Variants in PPFIA3 observed in about 807,000 individuals in gnomAD.
The protein encoded by PPFIA3 is PPFI scaffold protein A3.
A neutral mutation model predicts 145.8 loss-of-function variants in PPFIA3; 26 were observed. That is an observed-to-expected ratio of 0.18 (90% confidence interval 0.13 to 0.25). The LOEUF is 0.25. PPFIA3 is among the 10% of genes least tolerant of loss of function. The pLI is 1.00. For missense variants in PPFIA3, 1,008 were observed against 1,587.8 expected (o/e 0.63, Z 6.21); for synonymous variants, 645 against 661.4 (o/e 0.98, Z 0.38).
Position 49,147,949 on chromosome 19 carries a change from G to A in PPFIA3, c.2836-134G>A, listed in dbSNP as rs1014899650. 5.7e-6 allele frequency: 5 copies of A among 880,290 alleles called. No individual in the cohort carries two copies. In the African/African-American group the frequency reaches 8.4e-5, roughly 15 times the overall value. 54.5% of individuals were successfully genotyped at this position (880,290 alleles called of 1,614,324 possible). A position where few individuals can be genotyped will look rare whatever the true frequency, so the allele number is the denominator to read the frequency against. On this transcript the variant is annotated intron_variant, in intron 23 of 29. Coordinates refer to ENST00000334186, the MANE Select transcript of PPFIA3 (RefSeq NM_003660.4). ...CAACTCTGGATTGGTCCATTATCCT[G>A]AGCAGAGATTGGTCATTGTCCTACC... is the stretch of plus-strand genomic sequence containing the variant.
At chr19:49,148,501 C>T in intron 24 of PPFIA3, 165 bp from the exon 25 acceptor site, 1 of 718,218 alleles carries the variant, frequency 1.4e-6, no homozygotes, top group Non-Finnish European at 2.3e-6. Flanking sequence ...TAGGAAGTGC[C>T]TATTATTGAA....
At chr19:49,135,344 C>T (rs978402142) in intron 13 of PPFIA3, among the ~76,000 whole-genome samples, 63 of 150,980 alleles carry the variant, frequency 4.2e-4, no homozygotes, top group African/African-American at 1.2e-3. Flanking sequence ...GCTCAGCCCA[C>T]TCTGGTTTTT....
intron 1 of PPFIA3, among the ~76,000 whole-genome samples, chr19:49,121,669 A>G (rs2040937655): frequency 6.6e-6 from 1 of 151,724 alleles, no homozygotes; most frequent in African/African-American, 2.4e-5. Context: ...CCAGCTACTC[A>G]GGAGGCTGAG....
At chr19:49,134,385 C>G (rs942270348) in intron 11 of PPFIA3, among the ~76,000 whole-genome samples, 1 of 152,198 alleles carries the variant, frequency 6.6e-6, no homozygotes, top group African/African-American at 2.4e-5. Context: ...GCCTCGAGTC[C>G]TTGACTTTTC....
chr19:49,134,675 C>T lies in PPFIA3; in HGVS notation c.1414C>T (p.Leu472Phe), dbSNP rs767819720. 6.2e-7 allele frequency: 1 copy of T among 1,614,010 alleles called. No individual in the cohort carries two copies. Among genetic ancestry groups the T allele is most frequent in the Non-Finnish European group, 8.5e-7 (1 of 1,180,002 alleles). The change falls in exon 12 of 30, where the codon CTT becomes TTT. Residue 472 changes from leucine to phenylalanine, a missense_variant. By Grantham distance (22) the Leu-to-Phe change is conservative (BLOSUM62 0). Coordinates refer to ENST00000334186, the MANE Select transcript of PPFIA3 (RefSeq NM_003660.4). ...CGAGGAGATAGCCAACATGAAGAAG[C>T]TTCAGGATGAGTTGCTGCTAAACAA... ...LSEEIANMKK[L>F]QDELLLNKEQ... is the part of the protein sequence containing the mutation.
chr19:49,130,401 T>C lies in PPFIA3; in HGVS notation c.681T>C (p.Pro227=), dbSNP rs777946077. ...DGQTLANGLG[P]GGDSNRRTAE... is the part of the protein sequence containing the mutation. The stretch of plus-strand genomic sequence containing the variant: ...AGACTCTTGCCAATGGCCTGGGTCC[T>C]GGCGGGGATTCCAACCGGCGCACAG... The change falls in exon 7 of 30, where the codon CCT becomes CCC. Residue 227 remains proline, a synonymous_variant. Transcript: ENST00000334186. This position sits in a 1 kb window ranked among gnomAD's most constrained non-coding sequence, Gnocchi z 4.5. 1 of 1,609,102 alleles carries C rather than the reference T, an allele frequency of 6.2e-7. No homozygotes were observed. Among genetic ancestry groups the C allele is most frequent in the Admixed American group, 1.7e-5 (1 of 59,440 alleles).
At chr19:49,142,505 C>T (rs1180867313) in intron 20 of PPFIA3, among the ~76,000 whole-genome samples, 1 of 151,668 alleles carries the variant, frequency 6.6e-6, no homozygotes, top group African/African-American at 2.4e-5. Flanking sequence ...CCTGTCTCTC[C>T]CCACCCTCTA....
At position 49,141,912 on chromosome 19, in the gene PPFIA3, A is replaced by C. The variant is rs1600346356; in HGVS notation, c.2463-122A>C. On this transcript the variant is annotated intron_variant, in intron 19 of 29. Transcript: ENST00000334186. ...ACCTTCTGCCGTGTTTTGTACATTC[A>C]TAAAAGCTGCGTGTGCGTATGTGCA... 8 of 592,088 alleles carry C rather than the reference A, an allele frequency of 1.4e-5. No homozygotes were observed. In the East Asian group the frequency reaches 2.7e-4, roughly 20 times the overall value. The allele number at this position is 592,088 out of a possible 1,614,324, so 36.7% of individuals were successfully genotyped here.
At chr19:49,123,185 C>G (rs1029727067) in intron 1 of PPFIA3, among the ~76,000 whole-genome samples, 1 of 151,946 alleles carries the variant, frequency 6.6e-6, no homozygotes, top group Non-Finnish European at 1.5e-5. Flanking sequence ...CATGCCACCA[C>G]GCCTGGCTAA....
intron 14 of PPFIA3, 99 bp from the exon 15 acceptor site, chr19:49,136,625 G>A (rs2041140486): frequency 4.3e-6 from 3 of 694,130 alleles, no homozygotes; most frequent in South Asian, 5.9e-5. Context: ...GCTGGGAAAA[G>A]CATCAGTGAG....
intron 18 of PPFIA3, among the ~76,000 whole-genome samples, chr19:49,140,640 T>G (rs986412210): frequency 1.4e-3 from 32 of 23,072 alleles, no homozygotes; most frequent in African/African-American, 0.011. Context: ...CTCATTTACC[T>G]TTTTTTTTTT....
intron 1 of PPFIA3, among the ~76,000 whole-genome samples, chr19:49,119,959 T>TG (rs1421184749): frequency 6.6e-6 from 1 of 151,504 alleles, no homozygotes; most frequent in Non-Finnish European, 1.5e-5. Context: ...CCCAGGAGCT[T>TG]GGATTTCCCG....
In PPFIA3 at chr19:49,135,844, ACCTGGAT is replaced by A. The variant is rs1299595113; in HGVS notation, c.1589_1595del (p.Leu530ProfsTer88). The A allele has an allele frequency of 6.2e-7, 1 of 1,613,886 alleles. No homozygotes were observed. The highest frequency in any genetic ancestry group is 8.5e-7 in the Non-Finnish European group (1 of 1,179,938). Reference sequence around the variant, plus strand: ...GCACCCACTTTACCTTCTGGTGCCCACCTGGATCCCTATGTGGCTGGCAGTGGTCGGG... The same window carrying A: ...GCACCCACTTTACCTTCTGGTGCCCACCCTATGTGGCTGGCAGTGGTCGGG... On this transcript the variant is annotated frameshift_variant, in exon 14 of 30. Transcript: ENST00000334186. LOFTEE classifies it high-confidence loss of function.
rs145803420 is a variant in PPFIA3 at position 49,149,650 on chromosome 19, A to G, written c.3458A>G (p.Asn1153Ser). The change falls in exon 28 of 30, where the codon AAC becomes AGC. Residue 1153 changes from asparagine to serine, a missense_variant. Asn to Ser is a conservative substitution (Grantham distance 46). Around this residue, in one of 11 missense-constraint regions of PPFIA3, gnomAD observed 125 missense variants for 159.3 expected, o/e 0.78. Transcript: ENST00000334186. This position sits in a 1 kb window ranked among gnomAD's most constrained non-coding sequence, Gnocchi z 5.7. Reference protein sequence around the residue: ...TPDSAEMLPPNFRSAAAGALG... With the variant: ...TPDSAEMLPPSFRSAAAGALG... ...GACTCAGCTGAGATGTTGCCCCCCA[A>G]CTTTCGTTCGGCTGCAGCGGGAGCC... The G allele has an allele frequency of 5.6e-6, 9 of 1,614,104 alleles. No homozygotes were observed. Among genetic ancestry groups the G allele is most frequent in the African/African-American group, 2.7e-5 (2 of 75,042 alleles).
intron 23 of PPFIA3, among the ~76,000 whole-genome samples, chr19:49,147,741 A>T (rs1172778909): frequency 1.2e-5 from 1 of 83,298 alleles, no homozygotes; most frequent in Non-Finnish European, 2.4e-5. Context: ...TTAAAAATAA[A>T]TATAATGTAT....
In PPFIA3 at chr19:49,133,293, G is replaced by A. The variant is rs2041097293; in HGVS notation, c.1083G>A (p.Leu361=). 5.0e-6 allele frequency: 8 copies of A among 1,610,774 alleles called. No homozygotes were observed. Among genetic ancestry groups the A allele is most frequent in the South Asian group, 1.1e-5 (1 of 90,952 alleles). The change falls in exon 9 of 30, where the codon CTG becomes CTA. Residue 361 remains leucine (L), a synonymous_variant. Transcript: ENST00000334186. The surrounding 1 kb of genome is among the most constrained non-coding windows in gnomAD (Gnocchi z 7.2). ...GGTTGGACGACGCCAAGCAGAAGCTGCAGCAGACGCTGCAGAAAGCGGAGA... is the reference window on the plus strand; with the variant it reads ...GGTTGGACGACGCCAAGCAGAAGCTACAGCAGACGCTGCAGAAAGCGGAGA... ...AEWLDDAKQK[L]QQTLQKAETL... is the part of the protein sequence containing the mutation.
At chr19:49,148,916 T>C in intron 25 of PPFIA3, 77 bp from the exon 26 acceptor site, 2 of 1,586,478 alleles carry the variant, frequency 1.3e-6, no homozygotes, top group Middle Eastern at 1.7e-4. Context: ...AGAGACCAAA[T>C]GGAGGTGGAG....
At chr19:49,144,030 GA>G (rs959292351) in intron 21 of PPFIA3, among the ~76,000 whole-genome samples, 2 of 145,058 alleles carry the variant, frequency 1.4e-5, no homozygotes, top group African/African-American at 5.2e-5. Context: ...TTCGAGATGG[GA>G]GTCTTGCTTT....
Position 49,149,867 on chromosome 19 carries a change from G to A in PPFIA3, c.3526+149G>A, listed in dbSNP as rs2041325018. On this transcript the variant is annotated intron_variant, in intron 28 of 29. Coordinates refer to ENST00000334186, the MANE Select transcript of PPFIA3 (RefSeq NM_003660.4). This position sits in a 1 kb window ranked among gnomAD's most constrained non-coding sequence, Gnocchi z 5.7. ...TCCAACGTTCCGGACTCCCCCGTCAGGATGAAATGGATAAATCCCACTCCC... is the reference window on the plus strand; with the variant it reads ...TCCAACGTTCCGGACTCCCCCGTCAAGATGAAATGGATAAATCCCACTCCC... 8.6e-7 allele frequency: 1 copy of A among 1,160,668 alleles called. No homozygotes were observed. The highest frequency in any genetic ancestry group is 1.2e-6 in the Non-Finnish European group (1 of 839,694). The allele number at this position is 1,160,668 out of a possible 1,614,324, so 71.9% of individuals were successfully genotyped here. A position where few individuals can be genotyped will look rare whatever the true frequency, so the allele number is the denominator to read the frequency against.
Sources: allele counts gnomAD v4.1 joint callset (sites outside exome capture counted in the v4.1 genomes callset), GRCh38; gene constraint gnomAD v4.1.1; regional missense constraint gnomAD v4.1.1; non-coding constraint Gnocchi (gnomAD v3.1); transcripts MANE v1.5; gene names NCBI Gene and HGNC (gene_info 2026-07-23, HGNC 2026-07-21).